Variants in MAPRE3 observed in about 807,000 individuals in gnomAD.
MAPRE3 encodes microtubule associated protein RP/EB family member 3, also known as microtubule-associated protein RP/EB family member 3.
A neutral mutation model predicts 30.5 loss-of-function variants in MAPRE3; 2 were observed. That is an observed-to-expected ratio of 0.07 (90% CI 0.03 to 0.21). The LOEUF is 0.21. Among genes scored for constraint, MAPRE3 ranks in the 10% least tolerant of loss-of-function variants. The pLI is 1.00. For synonymous variants in MAPRE3, 110 were observed against 127.7 expected (o/e 0.86, Z 0.93); for missense variants, 204 against 351.8 (o/e 0.58, Z 3.36).
intron 1 of MAPRE3, chr2:27,012,948 G>A (rs189072436): frequency 1.4e-3 from 217 of 152,794 alleles, no homozygotes; most frequent in Non-Finnish European, 2.6e-3. Context: ...TTCACAGGAT[G>A]CAGACATTTC....
In MAPRE3 at chr2:27,026,335, A is replaced by C; in HGVS notation, c.833A>C (p.Gln278Pro). ...DEIEEHQQED[Q>P]DEY The stretch of plus-strand genomic sequence containing the variant: ...ATTGAAGAGCATCAACAAGAAGACC[A>C]GGACGAGTACTGAGGGCGGCCGCAG... The change falls in exon 7 of 7, where the codon CAG becomes CCG. Residue 278 changes from glutamine (Q) to proline (P), a missense_variant. Around this residue, in one of 5 missense-constraint regions of MAPRE3, gnomAD observed 26 missense variants for 25.6 expected, o/e 1.02. Transcript: ENST00000233121. 1 of 1,614,004 alleles carries C rather than the reference A, an allele frequency of 6.2e-7. No homozygotes were observed. Among genetic ancestry groups the C allele is most frequent in the East Asian group, 2.2e-5 (1 of 44,882 alleles).
At chr2:26,973,175 G>A (rs1412379031) in intron 1 of MAPRE3, among the ~76,000 whole-genome samples, 1 of 152,148 alleles carries the variant, frequency 6.6e-6, no homozygotes, top group Non-Finnish European at 1.5e-5. Flanking sequence ...AAAACCCTCG[G>A]GAAATGGCAA....
intron 1 of MAPRE3, among the ~76,000 whole-genome samples, chr2:27,011,207 G>C (rs187419361): frequency 3.6e-4 from 55 of 152,104 alleles, no homozygotes; most frequent in African/African-American, 1.3e-3. Context: ...CCCATGTCCA[G>C]AATTTCCCAT....
Position 27,026,662 on chromosome 2 carries a change from A to C in MAPRE3, c.*314A>C. 1 of 336,756 alleles carries C rather than the reference A, an allele frequency of 3.0e-6. No homozygotes were observed. The allele number at this position is 336,756 out of a possible 1,614,324, so 20.9% of individuals were successfully genotyped here. On this transcript the variant is annotated 3_prime_UTR_variant, in exon 7 of 7. Transcript: ENST00000233121. ...CGCCCCAGCCAGCCACCTGCTCCTG[A>C]CAGCCAGCAGCTGTGTATTTGACAA...
chr2:27,012,472 G>C (rs1272463458), intron 1 of MAPRE3: 1 of 152,222 alleles, frequency 6.6e-6, no homozygotes, highest in Non-Finnish European at 1.5e-5. Flanking sequence ...AAGCAAAATT[G>C]AGGTAACAAC....
intron 1 of MAPRE3, among the ~76,000 whole-genome samples, chr2:26,976,562 C>T (rs769885836): frequency 4.6e-5 from 7 of 152,218 alleles, no homozygotes; most frequent in Non-Finnish European, 1.0e-4. Context: ...CACTCACTAG[C>T]ACCATGCCCT....
At position 27,025,960 on chromosome 2, in the gene MAPRE3, C is replaced by T. The variant is rs1667231490; in HGVS notation, c.705C>T (p.Leu235=). 1 of 1,614,216 alleles carries T rather than the reference C, an allele frequency of 6.2e-7. No homozygotes were observed. ...FYFSKLRDIE[L]ICQEHESENS... ...TCAGCAAACTTCGTGACATCGAGCT[C>T]ATCTGCCAGGAGCATGAAAGTGAAA... Residue 235 remains leucine, a synonymous_variant, in exon 6 of 7, where the codon CTC becomes CTT. Transcript: ENST00000233121.
At position 27,003,150 on chromosome 2, in the gene MAPRE3, G is replaced by A. The variant is rs1310345192; in HGVS notation, c.-7-19062G>A. 1.3e-5 allele frequency: 2 copies of A among 152,516 alleles called. 1 individual carries two copies. Among genetic ancestry groups the A allele is most frequent in the Admixed American group, 1.3e-4 (2 of 15,280 alleles). 9.4% of individuals were successfully genotyped at this position (152,516 alleles called of 1,614,324 possible). A position where few individuals can be genotyped will look rare whatever the true frequency, so the allele number is the denominator to read the frequency against. On this transcript the variant is annotated intron_variant, in intron 1 of 6. Coordinates refer to ENST00000233121, the MANE Select transcript of MAPRE3 (RefSeq NM_012326.4). ...TGGTGAGCAGTTAGCCACTACGTAC[G>A]GCCCTTCTCATCCAGTGAGGAGTCA...
At chr2:26,977,979 A>G (rs1666045119) in intron 1 of MAPRE3, among the ~76,000 whole-genome samples, 2 of 152,176 alleles carry the variant, frequency 1.3e-5, no homozygotes, top group African/African-American at 4.8e-5. Flanking sequence ...TGCTGTGATA[A>G]ATGTTTGCTA....
At chr2:26,995,817 G>GTGTGTGTGTGTGTGTGTGTGTGTA (rs1666444072) in intron 1 of MAPRE3, among the ~76,000 whole-genome samples, 1 of 150,350 alleles carries the variant, frequency 6.7e-6, no homozygotes, top group African/African-American at 2.4e-5. Context: ...GTGTGTGTGT[G>GTGTGTGTGTGTGTGTGTGTGTGTA]TGTGTGTGTG....
chr2:26,975,352 C>G (rs1159409885), intron 1 of MAPRE3, among the ~76,000 whole-genome samples: 3 of 152,162 alleles, frequency 2.0e-5, no homozygotes, highest in South Asian at 2.1e-4. Flanking sequence ...GGGAAAGGAG[C>G]TATTCATCTT....
chr2:26,976,142 C>T (rs560210016), intron 1 of MAPRE3, among the ~76,000 whole-genome samples: 1 of 152,298 alleles, frequency 6.6e-6, no homozygotes, highest in East Asian at 1.9e-4. Context: ...AATGCTGGCA[C>T]ACTGTGTAGC....
chr2:27,025,075 G>T (rs1375316305), intron 4 of MAPRE3, among the ~76,000 whole-genome samples: 2 of 152,142 alleles, frequency 1.3e-5, no homozygotes, highest in African/African-American at 4.8e-5. Flanking sequence ...TCCCTGATTT[G>T]GCCACCACTG....
At position 26,985,863 on chromosome 2, in the gene MAPRE3, A is replaced by T. The variant is rs1666207846; in HGVS notation, c.-8+15061A>T. Among the ~76,000 whole-genome samples, 1 of 152,114 alleles carries T rather than the reference A, an allele frequency of 6.6e-6. No individual in the cohort carries two copies. The highest frequency in any genetic ancestry group is 2.4e-5 in the African/African-American group (1 of 41,412). On this transcript the variant is annotated intron_variant, in intron 1 of 6. Coordinates refer to ENST00000233121, the MANE Select transcript of MAPRE3 (RefSeq NM_012326.4). This position sits in a 1 kb window ranked among gnomAD's most constrained non-coding sequence, Gnocchi z 4.2. ...GTGTGGCCACAGAAGCAGAGATTGG[A>T]GTGACCTGAAGCCACCAGAAGCTGG...
chr2:27,017,378 G>T (rs1199752796), intron 1 of MAPRE3, among the ~76,000 whole-genome samples: 1 of 152,194 alleles, frequency 6.6e-6, no homozygotes, highest in African/African-American at 2.4e-5. Context: ...TTCGTTGCTG[G>T]GTCCTGAAAG....
rs766924746 is a variant in MAPRE3, at chr2:27,023,493, C to G, written c.267+16C>G. 1.2e-6 allele frequency: 2 copies of G among 1,613,354 alleles called. No homozygotes were observed. The highest frequency in any genetic ancestry group is 1.1e-5 in the South Asian group (1 of 90,998). ...TGTTGACAAAGTAGGTGCCTGCGCT[C>G]TGGGGGGCCCTGAGGAGCAGTGTGA... is the stretch of plus-strand genomic sequence containing the variant. On this transcript the variant is annotated intron_variant, in intron 3 of 6. Coordinates refer to ENST00000233121, the MANE Select transcript of MAPRE3 (RefSeq NM_012326.4).
chr2:26,993,935 C>T (rs143220728), intron 1 of MAPRE3, among the ~76,000 whole-genome samples: 1 of 152,158 alleles, frequency 6.6e-6, no homozygotes, highest in Non-Finnish European at 1.5e-5. Context: ...GCTCTCCCCC[C>T]AGACAGAGAC....
Position 27,026,427 on chromosome 2 carries a change from C to G in MAPRE3, c.*79C>G. On this transcript the variant is annotated 3_prime_UTR_variant, in exon 7 of 7. Transcript: ENST00000233121. ...TCCACTCCCACATTATAGTCCTTTC[C>G]TAACACGGTCGGCCGGGTGCTTTGT... 1 of 1,265,506 alleles carries G rather than the reference C, an allele frequency of 7.9e-7. No homozygotes were observed. Among genetic ancestry groups the G allele is most frequent in the South Asian group, 1.3e-5 (1 of 74,784 alleles). The allele number at this position is 1,265,506 out of a possible 1,614,324, so 78.4% of individuals were successfully genotyped here.
chr2:26,977,197 C>T (rs868567340), intron 1 of MAPRE3, among the ~76,000 whole-genome samples: 9 of 152,308 alleles, frequency 5.9e-5, no homozygotes, highest in South Asian at 2.1e-4. Flanking sequence ...GGATTAAAAA[C>T]GAATGGCTTT....
Sources: gnomAD v4.1 joint callset for allele counts (sites outside exome capture counted in the v4.1 genomes callset) on GRCh38, gnomAD v4.1.1 for gene constraint, gnomAD v4.1.1 regional missense constraint, Gnocchi (gnomAD v3.1) non-coding constraint, MANE v1.5 for transcripts, NCBI Gene and HGNC (gene_info 2026-07-23, HGNC 2026-07-21) for gene names.